ADAMTS19: variants seen among roughly 807,000 people sequenced by gnomAD.
ADAMTS19 encodes the protein A disintegrin and metalloproteinase with thrombospondin motifs 19.
ADAMTS19 carries 93 observed loss-of-function variants against 153.3 expected under a neutral mutation model. The observed-to-expected ratio is 0.61, with a 90% CI of 0.51 to 0.72. The LOEUF is 0.72. Ranked by LOEUF, ADAMTS19 falls within the 30% of genes least tolerant of loss-of-function variation. ADAMTS19 has a pLI of 0.00. For synonymous variants in ADAMTS19, 600 were observed against 556.6 expected, an observed-to-expected ratio of 1.08 and a Z score of -1.10; for missense variants, 1,482 against 1,552.1, an observed-to-expected ratio of 0.95 and a Z score of 0.76.
intron 6 of ADAMTS19, among the ~76,000 whole-genome samples, chr5:129,535,297 AC>A (rs1237518114): frequency 5.9e-5 from 9 of 152,160 alleles, no homozygotes; most frequent in African/African-American, 2.2e-4. Context: ...TCATGAGTGA[AC>A]TCCCATTCAC....
chr5:129,520,688 G>A (rs967236232), intron 3 of ADAMTS19, among the ~76,000 whole-genome samples: 3 of 152,108 alleles, frequency 2.0e-5, no homozygotes, highest in Admixed American at 6.6e-5. Flanking sequence ...GTATTTGGAC[G>A]AGTCATTTCT....
chr5:129,608,116 G>GTGTGTGTGTGTGTGTA (rs377008786), intron 8 of ADAMTS19, among the ~76,000 whole-genome samples: 1 of 47,928 alleles, frequency 2.1e-5, no homozygotes, highest in African/African-American at 5.4e-5. Flanking sequence ...GTGTGTGTGT[G>GTGTGTGTGTGTGTGTA]TATATATATA....
At position 129,460,401 on chromosome 5, in the gene ADAMTS19, A is replaced by C. The variant is rs1188752140; in HGVS notation, c.10A>C (p.Asn4His). The change falls in exon 1 of 23, where the codon AAC (asparagine) becomes CAC (histidine). Residue 4 changes from asparagine to histidine, a missense_variant. This residue lies in a region of ADAMTS19 where 866 missense variants were observed against 827.7 expected (regional missense o/e 1.05). Coordinates refer to ENST00000274487, the MANE Select transcript of ADAMTS19 (RefSeq NM_133638.6). The stretch of plus-strand genomic sequence containing the variant: ...GCCGCGGGAGCGCAGTATGGGGAAG[A>C]ACCGCGAGATGCGCCTGACTCACAT... MGKNREMRLTHICC... is the reference protein window; with the variant it reads MGKHREMRLTHICC... 1.9e-6 allele frequency: 3 copies of C among 1,613,736 alleles called. No individual in the cohort carries two copies. The highest frequency in any genetic ancestry group is 2.5e-6 in the Non-Finnish European group (3 of 1,179,992).
Position 129,552,292 on chromosome 5 carries a change from T to C in ADAMTS19, c.1372+385T>C, listed in dbSNP as rs376813472. On this transcript the variant is annotated intron_variant, in intron 7 of 22. Coordinates refer to ENST00000274487, the MANE Select transcript of ADAMTS19 (RefSeq NM_133638.6). ...TTGAGTTATGTATGCTTAAAGACCT[T>C]CGCAGACTGTGTCGAAATAAACTGC... Among the ~76,000 whole-genome samples, 24 of 151,804 alleles carry C rather than the reference T, an allele frequency of 1.6e-4. No individual in the cohort carries two copies. In the East Asian group the frequency reaches 2.5e-3, roughly 16 times the overall value.
intron 10 of ADAMTS19, among the ~76,000 whole-genome samples, 177 bp from the exon 11 acceptor site, chr5:129,641,682 A>T (rs1435998540): frequency 6.6e-6 from 1 of 152,068 alleles, no homozygotes; most frequent in African/African-American, 2.4e-5. Flanking sequence ...TCTTCCCATC[A>T]CTATAAATGA....
At chr5:129,600,734 TTATAAA>T (rs1750605879) in intron 8 of ADAMTS19, among the ~76,000 whole-genome samples, 1 of 152,146 alleles carries the variant, frequency 6.6e-6, no homozygotes, top group South Asian at 2.1e-4. Flanking sequence ...AATTATCAAC[TTATAAA>T]TATATAAAAA....
intron 10 of ADAMTS19, among the ~76,000 whole-genome samples, chr5:129,629,609 A>C (rs147115909): frequency 6.6e-6 from 1 of 152,128 alleles, no homozygotes; most frequent in African/African-American, 2.4e-5. Flanking sequence ...TTAGGATAAC[A>C]ACTTACATCT....
At chr5:129,547,098 G>A (rs1752887928) in intron 6 of ADAMTS19, among the ~76,000 whole-genome samples, 1 of 150,856 alleles carries the variant, frequency 6.6e-6, no homozygotes. Context: ...AAATGACTGT[G>A]CAGATGTGAT....
intron 2 of ADAMTS19, among the ~76,000 whole-genome samples, chr5:129,483,136 A>T (rs966790797): frequency 6.6e-6 from 1 of 152,162 alleles, no homozygotes; most frequent in Admixed American, 6.6e-5. Flanking sequence ...ATATTTGTAT[A>T]CATCTACTTT....
At chr5:129,473,364 A>G (rs1750128250) in intron 2 of ADAMTS19, among the ~76,000 whole-genome samples, 1 of 152,154 alleles carries the variant, frequency 6.6e-6, no homozygotes, top group South Asian at 2.1e-4. Context: ...CAAATATGTT[A>G]GTCTGCCCAA....
At chr5:129,553,143 C>T (rs1413399203) in intron 7 of ADAMTS19, among the ~76,000 whole-genome samples, 1 of 152,188 alleles carries the variant, frequency 6.6e-6, no homozygotes, top group East Asian at 1.9e-4. Context: ...AAAATAATAA[C>T]CTTTTCTTTC....
chr5:129,577,454 A>G (rs974092517), intron 7 of ADAMTS19, among the ~76,000 whole-genome samples: 1 of 152,148 alleles, frequency 6.6e-6, no homozygotes, highest in African/African-American at 2.4e-5. Flanking sequence ...CATACAAATA[A>G]GGGATAATCC....
intron 21 of ADAMTS19, among the ~76,000 whole-genome samples, chr5:129,711,885 T>C (rs1273522334): frequency 6.6e-6 from 1 of 152,096 alleles, no homozygotes; most frequent in Non-Finnish European, 1.5e-5. Flanking sequence ...TTCTCCTTTC[T>C]TTCTGCTTTA....
chr5:129,613,292 A>G (rs1751326029), intron 8 of ADAMTS19, among the ~76,000 whole-genome samples: 1 of 152,118 alleles, frequency 6.6e-6, no homozygotes, highest in South Asian at 2.1e-4. Flanking sequence ...GAAGTAAAGC[A>G]CTCTTCAGCA....
intron 8 of ADAMTS19, among the ~76,000 whole-genome samples, chr5:129,605,171 T>C (rs1183413016): frequency 6.6e-6 from 1 of 152,202 alleles, no homozygotes; most frequent in Non-Finnish European, 1.5e-5. Flanking sequence ...TGTTTTCAAA[T>C]TAGATTCAGG....
chr5:129,576,842 C>T (rs1042193400), intron 7 of ADAMTS19, among the ~76,000 whole-genome samples: 1 of 151,830 alleles, frequency 6.6e-6, no homozygotes, highest in African/African-American at 2.4e-5. Flanking sequence ...CCTACCTATT[C>T]AATTCATCTA....
chr5:129,736,479 T>C (rs2127230899), intron 22 of ADAMTS19, among the ~76,000 whole-genome samples: 1 of 152,224 alleles, frequency 6.6e-6, no homozygotes, highest in Middle Eastern at 3.4e-3. Context: ...CCAAATATTC[T>C]ATACCAACTT....
At chr5:129,552,009 C>A (rs932980605) in intron 7 of ADAMTS19, 102 bp downstream of exon 7, 16 of 704,118 alleles carry the variant, frequency 2.3e-5, no homozygotes, top group Non-Finnish European at 3.4e-5. Flanking sequence ...AAAGGAATAA[C>A]TTCAAAATGT....
chr5:129,514,603 A>T (rs1338802355), intron 3 of ADAMTS19, among the ~76,000 whole-genome samples: 1 of 152,006 alleles, frequency 6.6e-6, no homozygotes, highest in Admixed American at 6.6e-5. Flanking sequence ...AGAAATGTCT[A>T]TTCAAATATT....
Sources: allele counts gnomAD v4.1 joint callset (sites outside exome capture counted in the v4.1 genomes callset), GRCh38; gene constraint gnomAD v4.1.1; regional missense constraint gnomAD v4.1.1; transcripts MANE v1.5; gene names NCBI Gene and HGNC (gene_info 2026-07-23, HGNC 2026-07-21).